Variants in ATP8B4 observed in about 807,000 individuals in gnomAD.
ATP8B4 encodes probable phospholipid-transporting ATPase IM.
Under a neutral mutation model 145.6 loss-of-function variants are expected in ATP8B4, and 133 were observed. That is an observed-to-expected ratio of 0.91 (90% CI 0.79 to 1.05). The LOEUF (loss-of-function observed/expected upper bound fraction) is 1.05. Ranked by LOEUF, ATP8B4 falls within the 50% of genes least tolerant of loss-of-function variation. ATP8B4 has a pLI of 0.00. For synonymous variants in ATP8B4, 507 were observed against 492.9 expected (o/e 1.03, Z -0.38); for missense variants, 1,458 against 1,425.2 (o/e 1.02, Z -0.37).
At chr15:50,032,741 T>C (rs2050543477) in intron 6 of ATP8B4, among the ~76,000 whole-genome samples, 1 of 152,114 alleles carries the variant, frequency 6.6e-6, no homozygotes, top group Non-Finnish European at 1.5e-5. Context: ...ATCATAATGA[T>C]ATGATATAAA....
intron 27 of ATP8B4, 51 bp from the exon 28 acceptor site, chr15:49,860,526 C>T: frequency 1.3e-6 from 2 of 1,512,296 alleles, no homozygotes; most frequent in Non-Finnish European, 8.8e-7. Context: ...TGATAGACTC[C>T]AGGCAGTGGC....
At chr15:49,998,657 T>C (rs939638648) in intron 8 of ATP8B4, among the ~76,000 whole-genome samples, 3 of 152,158 alleles carry the variant, frequency 2.0e-5, no homozygotes, top group Non-Finnish European at 4.4e-5. Context: ...GTCAGATGAG[T>C]AGGTTGTGAA....
At chr15:49,891,034 A>C (rs1304589598) in intron 23 of ATP8B4, among the ~76,000 whole-genome samples, 2 of 152,186 alleles carry the variant, frequency 1.3e-5, no homozygotes, top group Admixed American at 6.5e-5. Flanking sequence ...ACAGAATTTT[A>C]GAAATTACAA....
chr15:49,866,199 C>T lies in ATP8B4; in HGVS notation c.3166+147G>A, dbSNP rs1229119719. ...CTGAGCTTTTAGAGCCACTTTTAAA[C>T]TCGGAAGCCTTCAGATGCCTGGCTC... On this transcript the variant is annotated intron_variant, in intron 26 of 27. Coordinates refer to ENST00000284509, the MANE Select transcript of ATP8B4 (RefSeq NM_024837.4). The T allele has an allele frequency of 6.1e-6, 7 of 1,147,722 alleles. No individual in the cohort carries two copies. In the South Asian group the frequency reaches 8.6e-5, roughly 14 times the overall value. 71.1% of individuals were successfully genotyped at this position (1,147,722 alleles called of 1,614,324 possible).
chr15:50,158,314 G>A (rs186361648), intron 1 of ATP8B4, among the ~76,000 whole-genome samples: 8,798 of 149,484 alleles, frequency 0.059, 155 homozygotes, highest in African/African-American at 0.098. Context: ...AGTGAGGAGC[G>A]TCTCTGCCCG....
rs756855180 is a variant in ATP8B4, at chr15:49,897,374, A to G, written c.2615T>C (p.Phe872Ser). The G allele has an allele frequency of 1.2e-6, 2 of 1,613,936 alleles. No homozygotes were observed. Among genetic ancestry groups the G allele is most frequent in the East Asian group, 4.5e-5 (2 of 44,894 alleles). Reference protein sequence around the residue: ...GRWSYFRMCKFLCYFFYKNFA... With the variant: ...GRWSYFRMCKSLCYFFYKNFA... Reference sequence around the variant, plus strand: ...ATTCTTATAGAAGAAATAGCATAAGAATTTGCACATTCGGAAATAAGACCA... The same window carrying G: ...ATTCTTATAGAAGAAATAGCATAAGGATTTGCACATTCGGAAATAAGACCA... The change falls in exon 23 of 28, where the codon TTC (phenylalanine) becomes TCC (serine). Residue 872 changes from phenylalanine to serine, a missense_variant. By Grantham distance (155) the Phe-to-Ser change is radical. Coordinates refer to ENST00000284509, the MANE Select transcript of ATP8B4 (RefSeq NM_024837.4).
chr15:50,126,144 T>A (rs1595626875), intron 1 of ATP8B4, among the ~76,000 whole-genome samples: 3 of 150,274 alleles, frequency 2.0e-5, no homozygotes, highest in Admixed American at 6.7e-5. Flanking sequence ...GGTGTGGAGG[T>A]GTCACGGGAA....
At chr15:50,130,583 T>C (rs1054481460) in intron 1 of ATP8B4, among the ~76,000 whole-genome samples, 7 of 151,886 alleles carry the variant, frequency 4.6e-5, no homozygotes, top group African/African-American at 1.2e-4. Flanking sequence ...GAGACCATCC[T>C]GGCTAACAAG....
chr15:49,980,730 T>C (rs1201070121), intron 11 of ATP8B4, among the ~76,000 whole-genome samples: 2 of 152,120 alleles, frequency 1.3e-5, no homozygotes, highest in Non-Finnish European at 2.9e-5. Flanking sequence ...CGTGGGACCT[T>C]CTGTCCTAAA....
At chr15:49,989,231 G>A (rs2046864657) in intron 9 of ATP8B4, among the ~76,000 whole-genome samples, 1 of 152,150 alleles carries the variant, frequency 6.6e-6, no homozygotes, top group Admixed American at 6.6e-5. Context: ...TTGTAGATGA[G>A]GAGACATTTT....
In ATP8B4 at chr15:50,047,460, T is replaced by A. The variant is rs2051811584; in HGVS notation, c.92A>T (p.Asn31Ile). 1 of 1,539,108 alleles carries A rather than the reference T, an allele frequency of 6.5e-7. No individual in the cohort carries two copies. The highest frequency in any genetic ancestry group is 1.4e-5 in the African/African-American group (1 of 73,306). The change falls in exon 4 of 28, where the codon AAT becomes ATT. Residue 31 changes from asparagine to isoleucine, a missense_variant. Transcript: ENST00000284509. ...EYNEKFQYAD[N>I]RIHTSKYNIL... ...ATTATATTTCGATGTGTGGATACGA[T>A]TATCCTGGAAAAGAAATAGCATCAT...
intron 2 of ATP8B4, among the ~76,000 whole-genome samples, chr15:50,093,841 T>A (rs2153657681): frequency 6.6e-6 from 1 of 152,286 alleles, no homozygotes; most frequent in South Asian, 2.1e-4. Flanking sequence ...GATATTATCA[T>A]ACTCATATCA....
chr15:49,966,293 G>C (rs1397844824), intron 13 of ATP8B4, among the ~76,000 whole-genome samples: 1 of 152,146 alleles, frequency 6.6e-6, no homozygotes, highest in Non-Finnish European at 1.5e-5. Flanking sequence ...CCTGGAAAGG[G>C]GACTGAAGTC....
At chr15:50,002,079 A>G (rs1286394102) in intron 8 of ATP8B4, 74 bp downstream of exon 8, 3 of 1,238,370 alleles carry the variant, frequency 2.4e-6, no homozygotes, top group Non-Finnish European at 3.4e-6. Flanking sequence ...GAACAAGGTT[A>G]AGTCTTATCT....
At chr15:49,874,517 T>C (rs1028536844) in intron 25 of ATP8B4, among the ~76,000 whole-genome samples, 2 of 152,280 alleles carry the variant, frequency 1.3e-5, no homozygotes, top group Non-Finnish European at 1.5e-5. Context: ...AGAATAGATT[T>C]TGAAGAGACA....
chr15:49,928,544 A>G (rs920627357), intron 16 of ATP8B4, among the ~76,000 whole-genome samples: 1 of 152,094 alleles, frequency 6.6e-6, no homozygotes, highest in Non-Finnish European at 1.5e-5. Flanking sequence ...GAAGCCACCT[A>G]TGCTTTTTAA....
intron 3 of ATP8B4, among the ~76,000 whole-genome samples, chr15:50,071,308 G>A (rs76649430): frequency 0.12 from 18,578 of 152,166 alleles, 1,250 homozygotes; most frequent in African/African-American, 0.17. Flanking sequence ...CAAATGGTAT[G>A]TTGTTATTCC....
chr15:49,892,251 AGTT>A (rs1205522478), intron 23 of ATP8B4, among the ~76,000 whole-genome samples: 1 of 152,204 alleles, frequency 6.6e-6, no homozygotes, highest in Non-Finnish European at 1.5e-5. Flanking sequence ...AAGTGTGACA[AGTT>A]GTGTTTTTAA....
At chr15:49,993,375 A>AGCGT (rs2047183754) in intron 9 of ATP8B4, among the ~76,000 whole-genome samples, 1 of 151,166 alleles carries the variant, frequency 6.6e-6, no homozygotes, top group East Asian at 2.0e-4. Context: ...TGCTGATAGT[A>AGCGT]GTGTGTGTGT....
Sources: allele counts gnomAD v4.1 joint callset (sites outside exome capture counted in the v4.1 genomes callset), GRCh38; gene constraint gnomAD v4.1.1; transcripts MANE v1.5; gene names NCBI Gene and HGNC (gene_info 2026-07-23, HGNC 2026-07-21).